The following ROS1 variants were observed in gnomAD, a reference collection of about 807,000 sequenced individuals.
The protein encoded by ROS1 is proto-oncogene tyrosine-protein kinase ROS.
In ROS1, 263 loss-of-function variants were observed where a neutral mutation model predicts 273.5. The observed-to-expected ratio is 0.96, with a 90% CI of 0.87 to 1.06. ROS1 has a LOEUF of 1.06. ROS1 is among the 50% of genes least tolerant of loss of function. ROS1 has a pLI of 0.00. For missense variants in ROS1, 2,833 were observed against 2,751.1 expected (o/e 1.03, Z -0.67); for synonymous variants, 1,008 against 954.1 (o/e 1.06, Z -1.04).
chr6:117,365,016 G>T, intron 21 of ROS1, 44 bp downstream of exon 21: 1 of 1,578,152 alleles, frequency 6.3e-7, no homozygotes. Context: ...TGAAAAGTGA[G>T]ATTCTGCTTT....
intron 43 of ROS1, among the ~76,000 whole-genome samples, chr6:117,291,331 T>C (rs1773823996): frequency 6.6e-6 from 1 of 152,236 alleles, no homozygotes; most frequent in African/African-American, 2.4e-5. Flanking sequence ...TCTCTATTGT[T>C]GGGAATATTA....
chr6:117,418,500 G>A lies in ROS1; in HGVS notation c.130C>T (p.Gln44Ter). The change falls in exon 2 of 44, where the codon CAG becomes TAG. Residue 44 changes from glutamine (Q) to a stop codon, truncating the protein, a stop_gained. Coordinates refer to ENST00000368507, the MANE Select transcript of ROS1 (RefSeq NM_001378902.1). LOFTEE classifies it high-confidence loss of function. ...TTATGTGGTGTGCCAAGGTCAAGCT[G>A]CTGGCCCTGAAATGAAGAAGGAGGT... The part of the protein sequence containing the change: ...LKSCVTNLGQ[Q>*]LDLGTPHNLS... 1 of 1,600,560 alleles carries A rather than the reference G, an allele frequency of 6.2e-7. No homozygotes were observed. The highest frequency in any genetic ancestry group is 8.5e-7 in the Non-Finnish European group (1 of 1,175,034).
rs931032124 is a variant in ROS1, at chr6:117,287,937, T to A, written c.*555A>T. On this transcript the variant is annotated 3_prime_UTR_variant, in exon 44 of 44. Coordinates refer to ENST00000368507, the MANE Select transcript of ROS1 (RefSeq NM_001378902.1). ...CGTCTCAAAAAAAAAAAAAAAAAAT[T>A]AAAAAAAGATAATATATATATCATT... Among the ~76,000 whole-genome samples, 6 of 145,230 alleles carry A rather than the reference T, an allele frequency of 4.1e-5. No homozygotes were observed. In the East Asian group the frequency reaches 5.9e-4, roughly 14 times the overall value.
intron 4 of ROS1, among the ~76,000 whole-genome samples, chr6:117,411,161 G>C (rs1455601981): frequency 6.6e-6 from 1 of 151,522 alleles, no homozygotes; most frequent in Non-Finnish European, 1.5e-5. Flanking sequence ...CATCCTTCTG[G>C]GAGTTTAAAA....
intron 18 of ROS1, among the ~76,000 whole-genome samples, chr6:117,375,576 TA>T (rs917845121): frequency 1.3e-5 from 2 of 151,826 alleles, no homozygotes; most frequent in African/African-American, 4.8e-5. Flanking sequence ...TAAACTAAAA[TA>T]AAAAATTTAA....
intron 5 of ROS1, among the ~76,000 whole-genome samples, chr6:117,407,025 C>CAA (rs772220803): frequency 0.54 from 81,096 of 151,382 alleles, 22,391 homozygotes; most frequent in South Asian, 0.68. Context: ...AGCTTGGACC[C>CAA]CCATAAAATA....
At chr6:117,301,836 C>T (rs1176827338) in intron 42 of ROS1, 1 of 152,206 alleles carries the variant, frequency 6.6e-6, no homozygotes, top group Non-Finnish European at 1.5e-5. Flanking sequence ...CAGTGTTTTA[C>T]TGTTCATTAT....
chr6:117,365,542 C>A, intron 20 of ROS1, 39 bp downstream of exon 20: 1 of 1,562,614 alleles, frequency 6.4e-7, no homozygotes, highest in Non-Finnish European at 8.8e-7. Context: ...ATGGTACAGT[C>A]TGTTTGGGAA....
chr6:117,344,307 T>C, intron 27 of ROS1, 45 bp from the exon 28 acceptor site: 1 of 1,354,784 alleles, frequency 7.4e-7, no homozygotes, highest in Non-Finnish European at 1.0e-6. Flanking sequence ...ATACTATATA[T>C]ATGAGAGGAA....
intron 32 of ROS1, among the ~76,000 whole-genome samples, chr6:117,336,755 G>A (rs967675914): frequency 6.6e-6 from 1 of 151,958 alleles, no homozygotes; most frequent in African/African-American, 2.4e-5. Flanking sequence ...CATTCTTATA[G>A]AGCTCATCTC....
Position 117,319,898 on chromosome 6 carries a change from AACTCCTAAG to A in ROS1, c.5883_5891del (p.Leu1962_Val1964del), listed in dbSNP as rs770865135. On this transcript the variant is annotated inframe_deletion, in exon 37 of 44. Transcript: ENST00000368507. ...CTGCTACTTTGATTTCTCCACTTCCAACTCCTAAGATGTCCACTGCTGTTCCTTCATACA... is the reference window on the plus strand; with the variant it reads ...CTGCTACTTTGATTTCTCCACTTCCAATGTCCACTGCTGTTCCTTCATACA... 6.2e-7 allele frequency: 1 copy of A among 1,613,276 alleles called. No individual in the cohort carries two copies. Among genetic ancestry groups the A allele is most frequent in the Non-Finnish European group, 8.5e-7 (1 of 1,179,438 alleles).
chr6:117,305,639 T>C (rs936078494), intron 42 of ROS1, among the ~76,000 whole-genome samples: 1 of 152,148 alleles, frequency 6.6e-6, no homozygotes, highest in Non-Finnish European at 1.5e-5. Context: ...CATCTAAAAG[T>C]AAAGAATAAA....
intron 43 of ROS1, among the ~76,000 whole-genome samples, chr6:117,298,342 A>G (rs1474155854): frequency 6.6e-6 from 1 of 152,132 alleles, no homozygotes; most frequent in Non-Finnish European, 1.5e-5. Flanking sequence ...TTTATTTTAA[A>G]AAAAAGAGGA....
At chr6:117,289,796 A>G (rs1229089965) in intron 43 of ROS1, among the ~76,000 whole-genome samples, 1 of 152,224 alleles carries the variant, frequency 6.6e-6, no homozygotes, top group East Asian at 1.9e-4. Context: ...AAGTTTGGTT[A>G]GTACCTGGGT....
chr6:117,344,512 T>C (rs1778212798), intron 27 of ROS1, among the ~76,000 whole-genome samples: 1 of 152,184 alleles, frequency 6.6e-6, no homozygotes, highest in South Asian at 2.1e-4. Context: ...TGTCCTCTCC[T>C]TTTCTTCAAG....
At chr6:117,300,143 G>T (rs1468051082) in intron 43 of ROS1, among the ~76,000 whole-genome samples, 5 of 128,556 alleles carry the variant, frequency 3.9e-5, no homozygotes, top group African/African-American at 1.5e-4. Context: ...AGTAGAGATG[G>T]GGTTTCACTG....
chr6:117,418,386 G>C (rs1775492463), intron 2 of ROS1, 76 bp downstream of exon 2: 1 of 1,015,484 alleles, frequency 9.8e-7, no homozygotes, highest in Non-Finnish European at 1.5e-6. Flanking sequence ...TTCTTACTGT[G>C]ATAAAATCTG....
At chr6:117,322,007 T>C (rs1776323670) in intron 35 of ROS1, among the ~76,000 whole-genome samples, 1 of 151,838 alleles carries the variant, frequency 6.6e-6, no homozygotes, top group Non-Finnish European at 1.5e-5. Flanking sequence ...TAAGCAGTAT[T>C]AGTTTTATAA....
At chr6:117,297,460 G>T (rs1480526131) in intron 43 of ROS1, among the ~76,000 whole-genome samples, 1 of 152,080 alleles carries the variant, frequency 6.6e-6, no homozygotes, top group Non-Finnish European at 1.5e-5. Context: ...TATTTGCAAA[G>T]TATTCACTCA....
Sources: gnomAD v4.1 joint callset for allele counts (sites outside exome capture counted in the v4.1 genomes callset) on GRCh38, gnomAD v4.1.1 for gene constraint, MANE v1.5 for transcripts, NCBI Gene and HGNC (gene_info 2026-07-23, HGNC 2026-07-21) for gene names.